The following PUS10 variants were observed in gnomAD, a reference collection of about 807,000 sequenced individuals.
The protein encoded by PUS10 is pseudouridine synthase 10, also known as tRNA pseudouridine synthase Pus10.
Under a neutral mutation model 75.0 loss-of-function variants are expected in PUS10, and 59 were observed. The ratio of observed to expected loss-of-function variants is 0.79; its 90% CI spans 0.64 to 0.98. The LOEUF (loss-of-function observed/expected upper bound fraction) is 0.98. Ranked by LOEUF, PUS10 falls within the 50% of genes least tolerant of loss-of-function variation. PUS10 has a pLI of 0.00. For synonymous variants in PUS10, 219 were observed against 211.6 expected (o/e 1.03, Z -0.30); for missense variants, 650 against 614.4 (o/e 1.06, Z -0.61).
chr2:61,013,072 C>G (rs78984311), intron 1 of PUS10, among the ~76,000 whole-genome samples: 2,884 of 150,376 alleles, frequency 0.019, 32 homozygotes, highest in East Asian at 0.026. Context: ...CAACAACCCA[C>G]AAGACCCTGT....
At chr2:60,946,168 T>C (rs1311925003) in intron 16 of PUS10, among the ~76,000 whole-genome samples, 1 of 152,198 alleles carries the variant, frequency 6.6e-6, no homozygotes, top group East Asian at 1.9e-4. Context: ...GTAGCAATGA[T>C]GAGGAGAGAA....
chr2:60,986,669 A>C (rs901822373), intron 4 of PUS10, among the ~76,000 whole-genome samples: 1 of 152,230 alleles, frequency 6.6e-6, no homozygotes, highest in South Asian at 2.1e-4. Flanking sequence ...AAATCTTTCC[A>C]ATATAAACAG....
intron 12 of PUS10, 147 bp from the exon 13 acceptor site, chr2:60,954,305 G>A: frequency 1.5e-6 from 1 of 681,996 alleles, no homozygotes; most frequent in Non-Finnish European, 2.6e-6. Flanking sequence ...AGGGAGGGAA[G>A]AATGTGTGAG....
intron 2 of PUS10, chr2:61,010,873 A>G: frequency 3.2e-6 from 5 of 1,550,152 alleles, no homozygotes; most frequent in Non-Finnish European, 3.5e-6. Flanking sequence ...ACCTCTCTGT[A>G]TCTCAGTTTC....
At chr2:61,008,407 C>G (rs1679379345) in intron 3 of PUS10, among the ~76,000 whole-genome samples, 2 of 151,920 alleles carry the variant, frequency 1.3e-5, no homozygotes, top group South Asian at 4.2e-4. Context: ...AGGACAATTG[C>G]TTGAACCTGG....
chr2:61,000,669 T>C (rs944465189), intron 4 of PUS10, among the ~76,000 whole-genome samples: 2 of 152,206 alleles, frequency 1.3e-5, no homozygotes, highest in Non-Finnish European at 2.9e-5. Context: ...CCCTGACCTT[T>C]GTGGCCAACT....
Position 60,953,979 on chromosome 2 carries a change from TATTA to T in PUS10, c.1140_1143del (p.Asn381ThrfsTer19). On this transcript the variant is annotated frameshift_variant, in exon 14 of 18. Coordinates refer to ENST00000316752, the MANE Select transcript of PUS10 (RefSeq NM_144709.4). LOFTEE classifies it high-confidence loss of function. ...CGTACTTGGATTTTGTTAGATGAGT[TATTA>T]ATTTTCTGTAGTAGCAGAAAAAGAA... is the stretch of plus-strand genomic sequence containing the variant. 1 of 1,613,978 alleles carries T rather than the reference TATTA, an allele frequency of 6.2e-7. No homozygotes were observed. The highest frequency in any genetic ancestry group is 8.5e-7 in the Non-Finnish European group (1 of 1,179,788).
At chr2:60,983,171 G>A (rs1185258760) in intron 4 of PUS10, among the ~76,000 whole-genome samples, 1 of 151,980 alleles carries the variant, frequency 6.6e-6, no homozygotes, top group Non-Finnish European at 1.5e-5. Context: ...GGGATTACAG[G>A]CATAAGCCAC....
chr2:60,943,258 A>C (rs2104064395), intron 17 of PUS10, among the ~76,000 whole-genome samples: 1 of 152,292 alleles, frequency 6.6e-6, no homozygotes, highest in Non-Finnish European at 1.5e-5. Flanking sequence ...ACCTGGAACC[A>C]GAAAAGGATT....
At chr2:60,962,309 C>T (rs930027057) in intron 9 of PUS10, among the ~76,000 whole-genome samples, 4 of 152,314 alleles carry the variant, frequency 2.6e-5, no homozygotes, top group South Asian at 2.1e-4. Flanking sequence ...CGGTGGCTCA[C>T]GCCTGTAATC....
intron 11 of PUS10, among the ~76,000 whole-genome samples, chr2:60,959,752 G>C (rs999888731): frequency 1.3e-5 from 2 of 152,136 alleles, no homozygotes; most frequent in Non-Finnish European, 2.9e-5. Flanking sequence ...ATCCAGCCCA[G>C]GCCAGCGGCA....
chr2:60,948,425 AC>A (rs1675124719), intron 15 of PUS10, among the ~76,000 whole-genome samples: 1 of 152,082 alleles, frequency 6.6e-6, no homozygotes, highest in African/African-American at 2.4e-5. Flanking sequence ...ATGCGGTTTC[AC>A]CATATCTGCC....
intron 12 of PUS10, 87 bp downstream of exon 12, chr2:60,954,931 C>A: frequency 1.1e-6 from 1 of 873,940 alleles, no homozygotes; most frequent in Non-Finnish European, 1.7e-6. Context: ...CTTTGTTTTT[C>A]ACTGAGTGAC....
chr2:60,966,015 A>G (rs1182369482), intron 6 of PUS10: 1 of 152,112 alleles, frequency 6.6e-6, no homozygotes, highest in Non-Finnish European at 1.5e-5. Flanking sequence ...ATCAAATACA[A>G]GACAGTTTTT....
chr2:60,980,465 T>C (rs1365025282), intron 4 of PUS10, among the ~76,000 whole-genome samples: 1 of 152,230 alleles, frequency 6.6e-6, no homozygotes, highest in Non-Finnish European at 1.5e-5. Flanking sequence ...TGACCTGTGA[T>C]GGCAGCTTCC....
At chr2:60,962,530 C>T (rs1415315995) in intron 9 of PUS10, among the ~76,000 whole-genome samples, 1 of 152,102 alleles carries the variant, frequency 6.6e-6, no homozygotes, top group Non-Finnish European at 1.5e-5. Context: ...GCCGAGACTG[C>T]TCCACTGCAC....
At chr2:61,016,098 T>A (rs1012032945) in intron 1 of PUS10, among the ~76,000 whole-genome samples, 1 of 152,224 alleles carries the variant, frequency 6.6e-6, no homozygotes, top group Non-Finnish European at 1.5e-5. Flanking sequence ...GAAGACAATG[T>A]TTATTTTTCC....
intron 1 of PUS10, among the ~76,000 whole-genome samples, chr2:61,013,870 C>G (rs1426782413): frequency 6.6e-6 from 1 of 151,900 alleles, no homozygotes; most frequent in Non-Finnish European, 1.5e-5. Context: ...ACTAAAAATA[C>G]AAAAATTAGT....
At chr2:60,992,569 C>A (rs1158176078) in intron 4 of PUS10, among the ~76,000 whole-genome samples, 1 of 152,118 alleles carries the variant, frequency 6.6e-6, no homozygotes, top group Non-Finnish European at 1.5e-5. Context: ...AACACCCCAG[C>A]CTCACAGAAA....
Sources: gnomAD v4.1 joint callset for allele counts (sites outside exome capture counted in the v4.1 genomes callset) on GRCh38, gnomAD v4.1.1 for gene constraint, MANE v1.5 for transcripts, NCBI Gene and HGNC (gene_info 2026-07-23, HGNC 2026-07-21) for gene names.